Variants in TIAM2 observed in about 807,000 individuals in gnomAD.
The protein encoded by TIAM2 is rho guanine nucleotide exchange factor TIAM2.
A neutral mutation model predicts 152.9 loss-of-function variants in TIAM2; 80 were observed. The observed-to-expected ratio is 0.52, with a 90% confidence interval of 0.44 to 0.63. TIAM2 has a LOEUF of 0.63. TIAM2 is among the 30% of genes least tolerant of loss of function. The pLI is 0.00. For missense variants in TIAM2, 1,965 were observed against 2,120.1 expected, an observed-to-expected ratio of 0.93 and a Z score of 1.44; for synonymous variants, 804 against 838.0, an observed-to-expected ratio of 0.96 and a Z score of 0.70.
chr6:155,172,678 ATATATATATTTTTTTTTTTT>A (rs1780645928), intron 9 of TIAM2, among the ~76,000 whole-genome samples: 1 of 13,934 alleles, frequency 7.2e-5, no homozygotes, highest in African/African-American at 3.5e-4. Flanking sequence ...ATATATATAT[ATATATATATTTTTTTTTTTT>A]TTTTTTTTTT....
Position 155,194,111 on chromosome 6 carries a change from G to A in TIAM2, c.3064+10611G>A, listed in dbSNP as rs558282984. ...TTGATCAGGGCCACTCTCCAGGGAG[G>A]GTCTCACCTTTGTTAACCCCTAGGG... is the stretch of plus-strand genomic sequence containing the variant. On this transcript the variant is annotated intron_variant, in intron 14 of 26. Transcript: ENST00000682666. Among the ~76,000 whole-genome samples the A allele has an allele frequency of 2.0e-5, 3 of 152,246 alleles. No individual in the cohort carries two copies. In the South Asian group the frequency reaches 6.2e-4, roughly 32 times the overall value.
rs1284317339 is a variant in TIAM2, at chr6:155,027,573, AAT to A, written c.-209+32086_-209+32087del. Among the ~76,000 whole-genome samples the A allele has an allele frequency of 3.9e-5, 4 of 102,564 alleles. No individual in the cohort carries two copies. In the East Asian group the frequency reaches 9.1e-4, roughly 23 times the overall value. The allele number at this position is 102,564 out of a possible 152,430, so 67.3% of individuals were successfully genotyped here. ...ACTGTGTTACATATATACTATATAT[AAT>A]ATATGTACTGTGTTACATATATACT... On this transcript the variant is annotated intron_variant, in intron 1 of 26. Coordinates refer to ENST00000682666, the MANE Select transcript of TIAM2 (RefSeq NM_012454.4).
chr6:155,099,388 A>G (rs1257685289), intron 2 of TIAM2, among the ~76,000 whole-genome samples: 1 of 152,190 alleles, frequency 6.6e-6, no homozygotes, highest in Non-Finnish European at 1.5e-5. Context: ...AAAGCAATAC[A>G]TACCATGCTA....
At chr6:155,176,478 C>A (rs1219399033) in intron 9 of TIAM2, among the ~76,000 whole-genome samples, 1 of 152,238 alleles carries the variant, frequency 6.6e-6, no homozygotes, top group Non-Finnish European at 1.5e-5. Flanking sequence ...AGGTGATCCA[C>A]CCGCCTTGGC....
At chr6:155,042,768 G>A (rs182802672) in intron 1 of TIAM2, among the ~76,000 whole-genome samples, 5 of 147,568 alleles carry the variant, frequency 3.4e-5, no homozygotes, top group East Asian at 4.0e-4. Context: ...TATTTTTTGC[G>A]GTGAGAACGC....
At chr6:155,138,707 T>C (rs1336006885) in intron 5 of TIAM2, among the ~76,000 whole-genome samples, 2 of 152,158 alleles carry the variant, frequency 1.3e-5, no homozygotes, top group African/African-American at 4.8e-5. Flanking sequence ...GTCCTTGTGA[T>C]AGTTTGCTGA....
chr6:155,085,564 A>T (rs1018623777), intron 1 of TIAM2, among the ~76,000 whole-genome samples: 2 of 146,202 alleles, frequency 1.4e-5, no homozygotes, highest in Non-Finnish European at 3.0e-5. Flanking sequence ...TGTGGCCATT[A>T]AAAAAAAAAA....
At chr6:155,121,132 TAATG>T (rs1475779100) in intron 2 of TIAM2, among the ~76,000 whole-genome samples, 9 of 151,890 alleles carry the variant, frequency 5.9e-5, no homozygotes, top group Non-Finnish European at 1.2e-4. Context: ...TAATAATAGA[TAATG>T]AAAGATCTGA....
intron 15 of TIAM2, among the ~76,000 whole-genome samples, chr6:155,232,018 T>C (rs1487460925): frequency 6.6e-6 from 1 of 152,122 alleles, no homozygotes; most frequent in Non-Finnish European, 1.5e-5. Flanking sequence ...GAGGCAGACA[T>C]TGCACTGAGC....
intron 22 of TIAM2, 130 bp from the exon 23 acceptor site, chr6:155,251,815 T>A (rs979663762): frequency 1.4e-6 from 1 of 702,062 alleles, no homozygotes; most frequent in Non-Finnish European, 2.5e-6. Flanking sequence ...TATTCACTCA[T>A]GTTGGCAGAG....
intron 15 of TIAM2, among the ~76,000 whole-genome samples, chr6:155,226,321 C>A (rs751053647): frequency 1.3e-5 from 2 of 152,176 alleles, no homozygotes; most frequent in Non-Finnish European, 2.9e-5. Flanking sequence ...CCTCAGTAGC[C>A]CCCTTGGCTG....
At chr6:155,029,898 T>A (rs1776791340) in intron 1 of TIAM2, among the ~76,000 whole-genome samples, 1 of 151,636 alleles carries the variant, frequency 6.6e-6, no homozygotes. Context: ...ACACAAGCCA[T>A]CCTCCCGTCT....
rs936639071 is a variant in TIAM2, at chr6:155,008,071, C to T, written c.-209+12579C>T. On this transcript the variant is annotated intron_variant, in intron 1 of 26. Transcript: ENST00000682666. ...TGTGGACACGTACATATGTAATTGT[C>T]GACCTTAAATAATACATCATATGGC... Among the ~76,000 whole-genome samples the T allele has an allele frequency of 3.9e-5, 6 of 152,234 alleles. No individual in the cohort carries two copies. In the South Asian group the frequency reaches 6.2e-4, roughly 16 times the overall value.
At position 155,244,645 on chromosome 6, in the gene TIAM2, G is replaced by A. The variant is rs781352672; in HGVS notation, c.3418-13G>A. On this transcript the variant is annotated splice_polypyrimidine_tract_variant and intron_variant, in intron 17 of 26. Coordinates refer to ENST00000682666, the MANE Select transcript of TIAM2 (RefSeq NM_012454.4). ...GGCTAATCCCCTCATTTCAAATCCT[G>A]ATCTTCACATAGATGGAGTCACTTT... The A allele has an allele frequency of 6.2e-7, 1 of 1,613,010 alleles. No individual in the cohort carries two copies. Among genetic ancestry groups the A allele is most frequent in the Non-Finnish European group, 8.5e-7 (1 of 1,179,502 alleles).
chr6:155,180,394 C>G lies in TIAM2; in HGVS notation c.2707+938C>G, dbSNP rs1203792023. Among the ~76,000 whole-genome samples the G allele has an allele frequency of 3.9e-5, 6 of 152,272 alleles. No individual in the cohort carries two copies. The East Asian group carries it at 5.8e-4, about 15-fold the overall frequency. On this transcript the variant is annotated intron_variant, in intron 12 of 26. Transcript: ENST00000682666. The stretch of plus-strand genomic sequence containing the variant: ...ATTAGATAATGATTGGTAAATACTT[C>G]CATAGAAACACTGAATGATTAGATA...
intron 23 of TIAM2, among the ~76,000 whole-genome samples, chr6:155,252,578 T>A (rs1025231646): frequency 3.3e-5 from 5 of 152,226 alleles, no homozygotes; most frequent in African/African-American, 1.2e-4. Context: ...ATAAACATAG[T>A]CTGTGAAACT....
chr6:155,179,804 G>A (rs1780852119), intron 12 of TIAM2, among the ~76,000 whole-genome samples: 1 of 152,144 alleles, frequency 6.6e-6, no homozygotes, highest in Non-Finnish European at 1.5e-5. Flanking sequence ...CATCTCTAGT[G>A]TCTTTGCTCT....
At chr6:155,098,799 G>T (rs1299517795) in intron 2 of TIAM2, among the ~76,000 whole-genome samples, 2 of 152,184 alleles carry the variant, frequency 1.3e-5, no homozygotes, top group African/African-American at 4.8e-5. Context: ...ACATTTTTAT[G>T]TCACAATATT....
At chr6:155,142,247 G>A (rs1170123809) in intron 5 of TIAM2, among the ~76,000 whole-genome samples, 2 of 152,214 alleles carry the variant, frequency 1.3e-5, no homozygotes, top group African/African-American at 4.8e-5. Context: ...TTGATTTCCT[G>A]ATTTTTTAAA....
Sources: allele counts gnomAD v4.1 joint callset (sites outside exome capture counted in the v4.1 genomes callset), GRCh38; gene constraint gnomAD v4.1.1; transcripts MANE v1.5; gene names NCBI Gene and HGNC (gene_info 2026-07-23, HGNC 2026-07-21).